RALGAPA2: variants seen among roughly 807,000 people sequenced by gnomAD.
The protein encoded by RALGAPA2 is Ral GTPase activating protein catalytic subunit alpha 2.
RALGAPA2 carries 139 observed loss-of-function variants against 230.4 expected under a neutral mutation model. The ratio of observed to expected loss-of-function variants is 0.60; its 90% CI spans 0.53 to 0.69. RALGAPA2 has a LOEUF of 0.69. Among genes scored for constraint, RALGAPA2 ranks in the 30% least tolerant of loss-of-function variants. The pLI, the probability that RALGAPA2 is intolerant of heterozygous loss-of-function variation, is 0.00. For missense variants in RALGAPA2, 2,163 were observed against 2,276.0 expected (o/e 0.95, Z 1.01); for synonymous variants, 847 against 837.8 (o/e 1.01, Z -0.19).
intron 36 of RALGAPA2, among the ~76,000 whole-genome samples, chr20:20,483,834 T>C (rs924630861): frequency 2.0e-5 from 3 of 152,078 alleles, no homozygotes; most frequent in Non-Finnish European, 4.4e-5. Flanking sequence ...CAGGAAATAA[T>C]GAAGGATAAA....
rs552640865 is a variant in RALGAPA2 at position 20,691,366 on chromosome 20, T to C, written c.107-10565A>G. Among the ~76,000 whole-genome samples, 21 of 152,262 alleles carry C rather than the reference T, an allele frequency of 1.4e-4. No homozygotes were observed. In the South Asian group the frequency reaches 4.1e-3, roughly 30 times the overall value. ...CCTCTGCCTCTTTCTCCCTCTAACG[T>C]ATTCACACAATAAAACCCCAGTCTC... On this transcript the variant is annotated intron_variant, in intron 1 of 39. Coordinates refer to ENST00000202677, the MANE Select transcript of RALGAPA2 (RefSeq NM_020343.4).
rs762807532 is a variant in RALGAPA2, at chr20:20,505,417, T to A, written c.5046A>T (p.Gly1682=). The part of the protein sequence containing the change: ...QAYEDFVAGL[G]WEVDLSTHCG... ...ACTGAATGAAATGCATTACCTCCCATCCAAGTCCAGCAACAAAGTCTTCAT... is the reference window on the plus strand; with the variant it reads ...ACTGAATGAAATGCATTACCTCCCAACCAAGTCCAGCAACAAAGTCTTCAT... The change falls in exon 34 of 40, where the codon GGA becomes GGT. Residue 1682 remains glycine (G), a synonymous_variant. Transcript: ENST00000202677. The A allele has an allele frequency of 7.5e-6, 12 of 1,598,432 alleles. No homozygotes were observed. The highest frequency in any genetic ancestry group is 1.0e-5 in the Non-Finnish European group (12 of 1,172,282).
At chr20:20,562,460 G>A (rs1381765007) in intron 23 of RALGAPA2, among the ~76,000 whole-genome samples, 1 of 152,140 alleles carries the variant, frequency 6.6e-6, no homozygotes, top group Non-Finnish European at 1.5e-5. Context: ...ACTGAGAGTT[G>A]CTATACTATT....
In RALGAPA2 at chr20:20,398,532, G is replaced by A. The variant is rs527670965; in HGVS notation, c.5618-1798C>T. Among the ~76,000 whole-genome samples the A allele has an allele frequency of 1.8e-4, 28 of 152,276 alleles. No individual in the cohort carries two copies. The highest frequency in any genetic ancestry group is 3.9e-4 in the African/African-American group (16 of 41,556). On this transcript the variant is annotated intron_variant, in intron 38 of 39. Coordinates refer to ENST00000202677, the MANE Select transcript of RALGAPA2 (RefSeq NM_020343.4). The surrounding 1 kb of genome is among the most constrained non-coding windows in gnomAD (Gnocchi z 4.5). ...ATGTCACTTGCCCTTGACACACGGC[G>A]GTGCTCCCAAAGGGTGGGGTTCCAG...
rs2067377287 is a variant in RALGAPA2, at chr20:20,650,959, G to A, written c.328+2571C>T. Among the ~76,000 whole-genome samples the A allele has an allele frequency of 3.3e-5, 5 of 152,286 alleles. No homozygotes were observed. The South Asian group carries it at 1.0e-3, about 32-fold the overall frequency. On this transcript the variant is annotated intron_variant, in intron 4 of 39. Transcript: ENST00000202677. The stretch of plus-strand genomic sequence containing the variant: ...AGTTCTTCTGTGTAAGTCATTAGTG[G>A]ACAGAACCTAATCTGAATTCATATG...
At chr20:20,480,198 C>T (rs1468876222) in intron 36 of RALGAPA2, among the ~76,000 whole-genome samples, 4 of 152,160 alleles carry the variant, frequency 2.6e-5, no homozygotes, top group Non-Finnish European at 5.9e-5. Context: ...TCTTGACTAG[C>T]TGATTCTAAG....
chr20:20,467,296 G>A (rs2061439761), intron 37 of RALGAPA2, among the ~76,000 whole-genome samples: 1 of 152,152 alleles, frequency 6.6e-6, no homozygotes, highest in African/African-American at 2.4e-5. Context: ...CAGTAAGTGT[G>A]TTCCGGATAC....
At position 20,482,474 on chromosome 20, in the gene RALGAPA2, C is replaced by T. The variant is rs140317020; in HGVS notation, c.5368-9518G>A. On this transcript the variant is annotated intron_variant, in intron 36 of 39. Coordinates refer to ENST00000202677, the MANE Select transcript of RALGAPA2 (RefSeq NM_020343.4). Reference sequence around the variant, plus strand: ...TGGCAGAGATTCACGGTGGGAAGAGCGGAGCACTCCAGACAAATGGTAAAA... The same window carrying T: ...TGGCAGAGATTCACGGTGGGAAGAGTGGAGCACTCCAGACAAATGGTAAAA... Among the ~76,000 whole-genome samples, 9 of 151,952 alleles carry T rather than the reference C, an allele frequency of 5.9e-5. No homozygotes were observed. In the East Asian group the frequency reaches 7.7e-4, roughly 13 times the overall value.
chr20:20,616,748 A>G (rs1377092169), intron 12 of RALGAPA2, among the ~76,000 whole-genome samples: 2 of 152,220 alleles, frequency 1.3e-5, no homozygotes, highest in Non-Finnish European at 2.9e-5. Context: ...GAAGCCATCG[A>G]CATCACACGC....
chr20:20,389,904 T>C lies in RALGAPA2; in HGVS notation c.*3385A>G, dbSNP rs146231813. On this transcript the variant is annotated 3_prime_UTR_variant, in exon 40 of 40. Coordinates refer to ENST00000202677, the MANE Select transcript of RALGAPA2 (RefSeq NM_020343.4). ...AACTTAATTTACCATATTTATCAAA[T>C]TTTTTCCTTATTTACATGTACTAAA... The C allele has an allele frequency of 6.0e-4, 91 of 152,198 alleles. No individual in the cohort carries two copies. Among genetic ancestry groups the C allele is most frequent in the African/African-American group, 2.1e-3 (88 of 41,494 alleles). The allele number at this position is 152,198 out of a possible 1,614,324, so 9.4% of individuals were successfully genotyped here. A position where few individuals can be genotyped will look rare whatever the true frequency, so the allele number is the denominator to read the frequency against.
At chr20:20,524,353 T>C in intron 30 of RALGAPA2, 53 bp downstream of exon 30, 3 of 1,604,296 alleles carry the variant, frequency 1.9e-6, no homozygotes, top group Middle Eastern at 1.7e-4. Context: ...TTTTGGTGGT[T>C]CTCTGTCATA....
At chr20:20,402,776 CTGACT>C (rs2059873755) in intron 38 of RALGAPA2, among the ~76,000 whole-genome samples, 1 of 152,228 alleles carries the variant, frequency 6.6e-6, no homozygotes, top group Non-Finnish European at 1.5e-5. Flanking sequence ...CCACTGAAGC[CTGACT>C]GACCTTCGTG....
intron 18 of RALGAPA2, among the ~76,000 whole-genome samples, chr20:20,585,331 C>T (rs948328109): frequency 6.6e-6 from 1 of 152,038 alleles, no homozygotes; most frequent in Admixed American, 6.5e-5. Flanking sequence ...GATAAGTGTG[C>T]TGGTAGGGAA....
rs375225987 is a variant in RALGAPA2, at chr20:20,446,173, G to T, written c.5495+26656C>A. Among the ~76,000 whole-genome samples, 12 of 152,072 alleles carry T rather than the reference G, an allele frequency of 7.9e-5. No individual in the cohort carries two copies. The East Asian group carries it at 1.5e-3, about 20-fold the overall frequency. On this transcript the variant is annotated intron_variant, in intron 37 of 39. Coordinates refer to ENST00000202677, the MANE Select transcript of RALGAPA2 (RefSeq NM_020343.4). ...TTTGGATTGCTGAATGAATGTATAT[G>T]TTTCTAGTTAGTAAGTGTGAACTGT...
chr20:20,433,543 C>T (rs567141097), intron 37 of RALGAPA2, among the ~76,000 whole-genome samples: 3 of 152,304 alleles, frequency 2.0e-5, no homozygotes, highest in African/African-American at 7.2e-5. Flanking sequence ...CCTAAAAACG[C>T]AGTACTTTTC....
chr20:20,451,719 C>A (rs2060993143), intron 37 of RALGAPA2, among the ~76,000 whole-genome samples: 1 of 152,222 alleles, frequency 6.6e-6, no homozygotes, highest in South Asian at 2.1e-4. Flanking sequence ...TCTATTAGCA[C>A]AACTGATCCA....
In RALGAPA2 at chr20:20,536,723, T is replaced by C. The variant is rs753090468; in HGVS notation, c.3347A>G (p.Gln1116Arg). 2 of 1,613,200 alleles carry C rather than the reference T, an allele frequency of 1.2e-6. No homozygotes were observed. The highest frequency in any genetic ancestry group is 3.3e-5 in the Admixed American group (2 of 60,006). ...CACTGACTGCAGTAAAGGAATCTCC[T>C]GGTAGGTATTTGGAAAGCAGACCAG... The part of the protein sequence containing the change: ...GSLVCFPNTY[Q>R]EIPLLQSVPE... The change falls in exon 25 of 40, where the codon CAG (glutamine) becomes CGG (arginine). Residue 1116 changes from glutamine to arginine, a missense_variant. Gln to Arg is a conservative substitution (Grantham distance 43, BLOSUM62 1). Coordinates refer to ENST00000202677, the MANE Select transcript of RALGAPA2 (RefSeq NM_020343.4).
intron 1 of RALGAPA2, among the ~76,000 whole-genome samples, chr20:20,686,381 ACT>A (rs2068699278): frequency 6.6e-6 from 1 of 152,096 alleles, no homozygotes; most frequent in Non-Finnish European, 1.5e-5. Flanking sequence ...TCCCAACTCT[ACT>A]AAAAATACAA....
chr20:20,686,862 C>T (rs566705268), intron 1 of RALGAPA2, among the ~76,000 whole-genome samples: 1 of 152,128 alleles, frequency 6.6e-6, no homozygotes. Context: ...CTAGAAAGCA[C>T]CAAAGGAAGG....
Sources: gnomAD v4.1 joint callset for allele counts (sites outside exome capture counted in the v4.1 genomes callset) on GRCh38, gnomAD v4.1.1 for gene constraint, Gnocchi (gnomAD v3.1) non-coding constraint, MANE v1.5 for transcripts, NCBI Gene and HGNC (gene_info 2026-07-23, HGNC 2026-07-21) for gene names.